PHF2: variants seen among roughly 807,000 people sequenced by gnomAD.
The protein encoded by PHF2 is lysine-specific demethylase PHF2.
PHF2 carries 27 observed loss-of-function variants against 120.5 expected under a neutral mutation model. That is an observed-to-expected ratio of 0.22 (90% CI 0.17 to 0.31). The LOEUF is 0.31. PHF2 is among the 10% of genes least tolerant of loss of function. PHF2 has a pLI of 1.00. For missense variants in PHF2, 1,024 were observed against 1,434.8 expected (o/e 0.71, Z 4.63); for synonymous variants, 568 against 592.5 (o/e 0.96, Z 0.60).
chr9:93,650,757 G>A (rs773379225), intron 5 of PHF2, among the ~76,000 whole-genome samples: 63 of 152,236 alleles, frequency 4.1e-4, no homozygotes, highest in Non-Finnish European at 6.6e-4. Context: ...CATCACCTCT[G>A]CCCTCCAGCT....
intron 1 of PHF2, among the ~76,000 whole-genome samples, chr9:93,611,123 G>T (rs1387395004): frequency 6.6e-6 from 1 of 152,134 alleles, no homozygotes; most frequent in Non-Finnish European, 1.5e-5. Flanking sequence ...AGAGTCAGAA[G>T]AGTATTCTTG....
At chr9:93,580,897 G>T (rs1181589036) in intron 1 of PHF2, among the ~76,000 whole-genome samples, 1 of 152,162 alleles carries the variant, frequency 6.6e-6, no homozygotes, top group Non-Finnish European at 1.5e-5. Context: ...CTGAGGTTTT[G>T]ACTGTCCCCC....
intron 3 of PHF2, among the ~76,000 whole-genome samples, chr9:93,639,175 C>T (rs141017726): frequency 6.6e-6 from 1 of 152,320 alleles, no homozygotes; most frequent in African/African-American, 2.4e-5. Context: ...GTATTTCCAT[C>T]TTAACAGTGT....
chr9:93,581,962 AG>A (rs1862938604), intron 1 of PHF2, among the ~76,000 whole-genome samples: 1 of 152,204 alleles, frequency 6.6e-6, no homozygotes, highest in Admixed American at 6.5e-5. Flanking sequence ...GGTAAAACAA[AG>A]TCCATCTCTT....
intron 1 of PHF2, among the ~76,000 whole-genome samples, chr9:93,603,705 C>T (rs1361954015): frequency 6.6e-6 from 1 of 152,200 alleles, no homozygotes; most frequent in Non-Finnish European, 1.5e-5. Context: ...AGAGCCACCT[C>T]AAGGTGCACA....
At chr9:93,587,366 G>GTGAGGGACGGAGGAGCCTCAGA in intron 1 of PHF2, among the ~76,000 whole-genome samples, 3 of 150,646 alleles carry the variant, frequency 2.0e-5, no homozygotes, top group South Asian at 2.1e-4. Context: ...AGAGCCCTGG[G>GTGAGGGACGGAGGAGCCTCAGA]TGAGGGACGG....
chr9:93,593,631 A>G (rs1825275589), intron 1 of PHF2, among the ~76,000 whole-genome samples: 1 of 152,244 alleles, frequency 6.6e-6, no homozygotes, highest in Non-Finnish European at 1.5e-5. Context: ...ATATTTATTT[A>G]ATTTATCAAG....
chr9:93,656,702 G>T lies in PHF2; in HGVS notation c.1147+107G>T, dbSNP rs776362499. 1.4e-6 allele frequency: 1 copy of T among 735,934 alleles called. No homozygotes were observed. Among genetic ancestry groups the T allele is most frequent in the African/African-American group, 1.7e-5 (1 of 57,698 alleles). 45.6% of individuals were successfully genotyped at this position (735,934 alleles called of 1,614,324 possible). The stretch of plus-strand genomic sequence containing the variant: ...TGGGTGTGAGTGCCGCCTTCCTGTG[G>T]CCTGAGCAAGTCCTCTTGGGACTCA... On this transcript the variant is annotated intron_variant, in intron 9 of 21. Transcript: ENST00000359246. The surrounding 1 kb of genome is among the most constrained non-coding windows in gnomAD (Gnocchi z 4.1).
intron 20 of PHF2, 55 bp from the exon 21 acceptor site, chr9:93,676,539 C>T: frequency 1.3e-6 from 2 of 1,546,570 alleles, no homozygotes; most frequent in Non-Finnish European, 1.8e-6. Context: ...GCTCCCTGCT[C>T]TGTTGGCCCA....
chr9:93,583,985 C>A (rs1031930968), intron 1 of PHF2, among the ~76,000 whole-genome samples: 1 of 152,046 alleles, frequency 6.6e-6, no homozygotes, highest in African/African-American at 2.4e-5. Flanking sequence ...TGCACCACCA[C>A]GCCTGGCTAA....
intron 4 of PHF2, 85 bp from the exon 5 acceptor site, chr9:93,648,986 G>T (rs1338161350): frequency 1.4e-6 from 2 of 1,458,220 alleles, no homozygotes; most frequent in Non-Finnish European, 1.9e-6. Flanking sequence ...GCAGCCAAGA[G>T]TGTGTGTCCA....
chr9:93,578,194 T>C (rs1862869428), intron 1 of PHF2, among the ~76,000 whole-genome samples: 1 of 152,004 alleles, frequency 6.6e-6, no homozygotes, highest in Non-Finnish European at 1.5e-5. Flanking sequence ...CAGTCCTGAG[T>C]CCTACCTCCC....
chr9:93,635,337 A>G (rs777133970), intron 2 of PHF2, among the ~76,000 whole-genome samples: 1 of 151,812 alleles, frequency 6.6e-6, no homozygotes, highest in Non-Finnish European at 1.5e-5. Flanking sequence ...AGGATGACAC[A>G]TGGCCTTCTA....
intron 1 of PHF2, among the ~76,000 whole-genome samples, chr9:93,594,194 C>T (rs944888168): frequency 6.6e-6 from 1 of 151,404 alleles, no homozygotes; most frequent in African/African-American, 2.4e-5. Flanking sequence ...TGACCCCCCC[C>T]CCCTCCATTA....
At position 93,648,240 on chromosome 9, in the gene PHF2, C is replaced by T. The variant is rs149214606; in HGVS notation, c.461-831C>T. On this transcript the variant is annotated intron_variant, in intron 4 of 21. Transcript: ENST00000359246. ...CCCACATCCAGGATTTGGTTGCCAG[C>T]GTCCCAGTGGTGTTGCTGAGCAGGT... Among the ~76,000 whole-genome samples, 854 of 152,338 alleles carry T rather than the reference C, an allele frequency of 5.6e-3. 7 individuals carry two copies. The highest frequency in any genetic ancestry group is 0.02 in the African/African-American group (818 of 41,574).
At chr9:93,643,960 T>C (rs1258626316) in intron 3 of PHF2, among the ~76,000 whole-genome samples, 1 of 152,094 alleles carries the variant, frequency 6.6e-6, no homozygotes, top group African/African-American at 2.4e-5. Context: ...CCTTGGCCCT[T>C]TCCCTGCCCC....
intron 1 of PHF2, among the ~76,000 whole-genome samples, chr9:93,592,672 G>A (rs998246966): frequency 2.0e-5 from 3 of 152,166 alleles, no homozygotes; most frequent in South Asian, 4.1e-4. Context: ...GACCTGAGGT[G>A]TAACTGGGGT....
chr9:93,625,798 G>A lies in PHF2; in HGVS notation c.99-4172G>A, dbSNP rs113618768. On this transcript the variant is annotated intron_variant, in intron 1 of 21. Coordinates refer to ENST00000359246, the MANE Select transcript of PHF2 (RefSeq NM_005392.4). ...CAGTACCTATTCTTAATTCTTTTGGGTATGTATCTGTCAGTGGAATTGCTG... is the reference window on the plus strand; with the variant it reads ...CAGTACCTATTCTTAATTCTTTTGGATATGTATCTGTCAGTGGAATTGCTG... Among the ~76,000 whole-genome samples the A allele has an allele frequency of 6.3e-3, 951 of 151,962 alleles. 9 individuals are homozygous for A. Among genetic ancestry groups the A allele is most frequent in the African/African-American group, 0.021 (888 of 41,432 alleles).
At chr9:93,661,894 T>C (rs1826574119) in intron 12 of PHF2, among the ~76,000 whole-genome samples, 1 of 145,344 alleles carries the variant, frequency 6.9e-6, no homozygotes, top group Non-Finnish European at 1.5e-5. Context: ...ATGGATGGAA[T>C]GGATGGGTAG....
Sources: gnomAD v4.1 joint callset for allele counts (sites outside exome capture counted in the v4.1 genomes callset) on GRCh38, gnomAD v4.1.1 for gene constraint, Gnocchi (gnomAD v3.1) non-coding constraint, MANE v1.5 for transcripts, NCBI Gene and HGNC (gene_info 2026-07-23, HGNC 2026-07-21) for gene names.